ARAP2: variants seen among roughly 807,000 people sequenced by gnomAD.
The protein encoded by ARAP2 is ArfGAP with RhoGAP domain, ankyrin repeat and PH domain 2, also known as arf-GAP with Rho-GAP domain, ANK repeat and PH domain-containing protein 2.
ARAP2 carries 148 observed loss-of-function variants against 194.5 expected under a neutral mutation model. That is an observed-to-expected ratio of 0.76 (90% confidence interval 0.67 to 0.87). The LOEUF is 0.87. Among genes scored for constraint, ARAP2 ranks in the 40% least tolerant of loss-of-function variants. The probability of loss-of-function intolerance (pLI) is 0.00; values close to 1 mark genes in which losing one functional copy is unlikely to be tolerated. For missense variants in ARAP2, 2,128 were observed against 1,989.7 expected (o/e 1.07, Z -1.32); for synonymous variants, 695 against 683.5 (o/e 1.02, Z -0.26).
intron 24 of ARAP2, among the ~76,000 whole-genome samples, chr4:36,118,462 C>A (rs1560467720): frequency 6.6e-6 from 1 of 151,104 alleles, no homozygotes; most frequent in Non-Finnish European, 1.5e-5. Flanking sequence ...AGTAAAAAAA[C>A]AGATTTTCCC....
At chr4:36,192,723 C>G (rs148846441) in intron 7 of ARAP2, among the ~76,000 whole-genome samples, 1 of 152,180 alleles carries the variant, frequency 6.6e-6, no homozygotes, top group African/African-American at 2.4e-5. Context: ...TAAGGCTGGT[C>G]GTGGTAGCTC....
intron 7 of ARAP2, among the ~76,000 whole-genome samples, chr4:36,192,388 C>A (rs1039481742): frequency 3.2e-4 from 49 of 152,078 alleles, no homozygotes; most frequent in African/African-American, 1.0e-3. Flanking sequence ...CTCTTCACTG[C>A]AGTTGAGATA....
At chr4:36,199,090 G>A (rs28760902) in intron 6 of ARAP2, among the ~76,000 whole-genome samples, 1 of 152,218 alleles carries the variant, frequency 6.6e-6, no homozygotes, top group Non-Finnish European at 1.5e-5. Context: ...GCTCCCACTT[G>A]TCCTTGGCTC....
intron 1 of ARAP2, among the ~76,000 whole-genome samples, chr4:36,231,672 G>A (rs1255147127): frequency 6.6e-6 from 1 of 152,096 alleles, no homozygotes; most frequent in Non-Finnish European, 1.5e-5. Context: ...CTTAATAGGA[G>A]AAAAACAATT....
chr4:36,052,455 A>G (rs1722822130), intron 2 of ARAP2, among the ~76,000 whole-genome samples: 1 of 152,242 alleles, frequency 6.6e-6, no homozygotes, highest in Admixed American at 6.5e-5. Flanking sequence ...AACAGTAGCT[A>G]CATACGAAAA....
chr4:36,039,947 A>G (rs1397426), intron 5 of ARAP2, among the ~76,000 whole-genome samples: 2,914 of 152,282 alleles, frequency 0.019, 105 homozygotes, highest in African/African-American at 0.066. Context: ...AATTGTGGAA[A>G]AGGAAATAAA....
intron 9 of ARAP2, among the ~76,000 whole-genome samples, chr4:36,010,205 G>A (rs545198157): frequency 1.3e-5 from 2 of 150,814 alleles, no homozygotes; most frequent in East Asian, 3.9e-4. Flanking sequence ...GCTATATATT[G>A]TATTTTATAT....
chr4:36,168,953 CTTGA>C (rs1348367237), intron 9 of ARAP2, among the ~76,000 whole-genome samples: 1 of 152,124 alleles, frequency 6.6e-6, no homozygotes, highest in Non-Finnish European at 1.5e-5. Context: ...CAGGGTTATA[CTTGA>C]TTATTATTTT....
intron 9 of ARAP2, among the ~76,000 whole-genome samples, chr4:36,172,331 ATT>A (rs1429254556): frequency 6.6e-6 from 1 of 152,168 alleles, no homozygotes; most frequent in Non-Finnish European, 1.5e-5. Context: ...CAGTTTCCTT[ATT>A]TATGAAAATA....
rs1182452663 is a variant in ARAP2 at position 36,083,449 on chromosome 4, C to G, written c.4427G>C (p.Ser1476Thr). ...AGAAAACATCTTGTCATGTTTACTACTCTGTAAGGTAAAAAAATAATTTGT... is the reference window on the plus strand; with the variant it reads ...AGAAAACATCTTGTCATGTTTACTAGTCTGTAAGGTAAAAAAATAATTTGT... ...GFLFLYKDVK[S>T]SKHDKMFSLS... Residue 1476 changes from serine (S) to threonine (T), a missense_variant and splice_region_variant, in exon 29 of 33, where the codon AGT (serine) becomes ACT (threonine). Coordinates refer to ENST00000303965, the MANE Select transcript of ARAP2 (RefSeq NM_015230.4). 1 of 1,574,716 alleles carries G rather than the reference C, an allele frequency of 6.4e-7. No individual in the cohort carries two copies. The highest frequency in any genetic ancestry group is 1.4e-5 in the African/African-American group (1 of 73,034).
At chr4:36,221,770 T>C (rs1749222464) in intron 2 of ARAP2, among the ~76,000 whole-genome samples, 1 of 152,158 alleles carries the variant, frequency 6.6e-6, no homozygotes, top group Non-Finnish European at 1.5e-5. Context: ...GAGTAGCAAC[T>C]TACATTTTCA....
chr4:36,087,722 A>C (rs1340138897), intron 28 of ARAP2, among the ~76,000 whole-genome samples: 1 of 152,102 alleles, frequency 6.6e-6, no homozygotes, highest in Non-Finnish European at 1.5e-5. Flanking sequence ...GCATTTCCTT[A>C]TTTAAAAATG....
intron 31 of ARAP2, among the ~76,000 whole-genome samples, chr4:36,079,702 G>A (rs913848078): frequency 1.2e-4 from 19 of 152,126 alleles, no homozygotes; most frequent in African/African-American, 4.3e-4. Flanking sequence ...CCAAACATTT[G>A]TTTTATAAAA....
intron 11 of ARAP2, among the ~76,000 whole-genome samples, chr4:36,161,965 G>A (rs1482362714): frequency 2.0e-5 from 3 of 151,868 alleles, no homozygotes; most frequent in Admixed American, 6.6e-5. Context: ...AAAATTAGCC[G>A]GGCGAGGTGG....
intron 21 of ARAP2, among the ~76,000 whole-genome samples, chr4:36,127,218 A>T (rs887166309): frequency 3.9e-5 from 6 of 152,116 alleles, no homozygotes; most frequent in African/African-American, 1.4e-4. Flanking sequence ...ACAGCTTCAT[A>T]CATTTCAATA....
intron 7 of ARAP2, among the ~76,000 whole-genome samples, chr4:36,188,479 G>T (rs1176299891): frequency 6.6e-6 from 1 of 152,110 alleles, no homozygotes; most frequent in East Asian, 1.9e-4. Context: ...ATTTAAATCC[G>T]ACTTTTAAAA....
chr4:36,172,362 G>A (rs1362787462), intron 9 of ARAP2, among the ~76,000 whole-genome samples: 2 of 152,020 alleles, frequency 1.3e-5, no homozygotes, highest in Non-Finnish European at 2.9e-5. Context: ...TACCTTACAT[G>A]GTATTATTAT....
At chr4:36,106,664 A>G (rs1202813695) in intron 27 of ARAP2, among the ~76,000 whole-genome samples, 1 of 151,944 alleles carries the variant, frequency 6.6e-6, no homozygotes, top group African/African-American at 2.4e-5. Context: ...TCAGTTCTTC[A>G]ATTCAATACT....
At chr4:36,205,512 G>A (rs866808502) in intron 6 of ARAP2, among the ~76,000 whole-genome samples, 13 of 151,610 alleles carry the variant, frequency 8.6e-5, no homozygotes, top group Non-Finnish European at 5.9e-5. Flanking sequence ...GTGAACACAC[G>A]ATTTCTTTGC....
Sources: allele counts gnomAD v4.1 joint callset (sites outside exome capture counted in the v4.1 genomes callset), GRCh38; gene constraint gnomAD v4.1.1; transcripts MANE v1.5; gene names NCBI Gene and HGNC (gene_info 2026-07-23, HGNC 2026-07-21).